Variants in UNKL observed in about 807,000 individuals in gnomAD.
UNKL encodes putative E3 ubiquitin-protein ligase UNKL.
Under a neutral mutation model 78.0 loss-of-function variants are expected in UNKL, and 60 were observed. The observed-to-expected ratio is 0.77, with a 90% CI of 0.63 to 0.95. The LOEUF (loss-of-function observed/expected upper bound fraction) is 0.95. Ranked by LOEUF, UNKL falls within the 40% of genes least tolerant of loss-of-function variation. UNKL has a pLI of 0.00. For synonymous variants in UNKL, 608 were observed against 474.8 expected (o/e 1.28, Z -3.65); for missense variants, 1,159 against 1,045.7 (o/e 1.11, Z -1.49).
chr16:1,385,420 C>A, intron 9 of UNKL, 35 bp from the exon 10 acceptor site: 1 of 1,299,094 alleles, frequency 7.7e-7, no homozygotes, highest in South Asian at 2.2e-5. Context: ...AGCGCGCACC[C>A]CCTGCGTGGA....
chr16:1,375,165 G>T (rs2036123521), intron 10 of UNKL, among the ~76,000 whole-genome samples: 2 of 152,216 alleles, frequency 1.3e-5, no homozygotes, highest in African/African-American at 4.8e-5. Flanking sequence ...TCGTGCCGCG[G>T]TGGTGGCCCC....
At chr16:1,389,625 T>TG (rs141716219) in intron 9 of UNKL, among the ~76,000 whole-genome samples, 2,395 of 152,206 alleles carry the variant, frequency 0.016, 32 homozygotes, top group Non-Finnish European at 0.025. Flanking sequence ...AAATGAGGTG[T>TG]GGGGGCAGGG....
chr16:1,374,114 A>T (rs747447030), intron 10 of UNKL, among the ~76,000 whole-genome samples: 67 of 62,042 alleles, frequency 1.1e-3, no homozygotes, highest in African/African-American at 3.3e-3. Flanking sequence ...ACTGCCGGCC[A>T]ACACCGCACA....
At chr16:1,370,600 G>A (rs1373561727) in intron 11 of UNKL, among the ~76,000 whole-genome samples, 1 of 152,142 alleles carries the variant, frequency 6.6e-6, no homozygotes, top group Non-Finnish European at 1.5e-5. Flanking sequence ...CAGAGGTGGG[G>A]AGACGGGGGT....
At chr16:1,385,682 G>A (rs2036785788) in intron 9 of UNKL, among the ~76,000 whole-genome samples, 1 of 152,236 alleles carries the variant, frequency 6.6e-6, no homozygotes, top group African/African-American at 2.4e-5. Context: ...AAATCAATCT[G>A]GCACGTGCAG....
intron 3 of UNKL, among the ~76,000 whole-genome samples, chr16:1,402,197 A>C (rs1476643068): frequency 1.3e-5 from 2 of 148,722 alleles, no homozygotes; most frequent in Non-Finnish European, 2.9e-5. Context: ...CTCCGGACCC[A>C]GAAGAGAAAC....
chr16:1,383,581 TG>T, intron 10 of UNKL: 1 of 359,584 alleles, frequency 2.8e-6, no homozygotes, highest in Non-Finnish European at 5.7e-6. Context: ...AAGTGGCCGC[TG>T]GGAAGAGTCT....
At chr16:1,390,325 C>T (rs2036994515) in intron 9 of UNKL, among the ~76,000 whole-genome samples, 1 of 152,196 alleles carries the variant, frequency 6.6e-6, no homozygotes, top group Non-Finnish European at 1.5e-5. Flanking sequence ...ATCCTTCCCT[C>T]GCAGCCCAAA....
At chr16:1,394,368 T>C in intron 6 of UNKL, 153 bp from the exon 7 acceptor site, 1 of 878,742 alleles carries the variant, frequency 1.1e-6, no homozygotes, top group Non-Finnish European at 1.8e-6. Flanking sequence ...CCTCCACGTG[T>C]GCCCTTGGTC....
Position 1,370,192 on chromosome 16 carries a change from G to A in UNKL, c.1523C>T (p.Pro508Leu), listed in dbSNP as rs959133927. The A allele has an allele frequency of 8.5e-6, 13 of 1,520,532 alleles. No individual in the cohort carries two copies. The highest frequency in any genetic ancestry group is 5.0e-5 in the East Asian group (2 of 40,398). The allele number at this position is 1,520,532 out of a possible 1,614,324, so 94.2% of individuals were successfully genotyped here. ...GSSAMTPPQQ[P>L]PPLRSEPGTL... ...GCCCGGCTCTGAACGCAGGGGTGGC[G>A]GCTGCTGGGGAGGCGTCATGGCTGA... Residue 508 changes from proline to leucine, a missense_variant, in exon 12 of 15, where the codon CCG becomes CTG. Physicochemically the swap from Pro to Leu is moderately conservative, Grantham distance 98 (BLOSUM62 -3). Coordinates refer to ENST00000389221, the MANE Select transcript of UNKL (RefSeq NM_001372107.1).
At position 1,367,036 on chromosome 16, in the gene UNKL, G is replaced by A; in HGVS notation, c.2046+56C>T. On this transcript the variant is annotated intron_variant, in intron 14 of 14. Coordinates refer to ENST00000389221, the MANE Select transcript of UNKL (RefSeq NM_001372107.1). ...CACCAGCCAGGGCCCTCCCCAGACA[G>A]GGACAGCAGCCCTGCAGGCAGGCTG... The A allele has an allele frequency of 2.7e-6, 4 of 1,464,446 alleles. No homozygotes were observed. The South Asian group carries it at 4.1e-5, about 15-fold the overall frequency. The allele number at this position is 1,464,446 out of a possible 1,614,324, so 90.7% of individuals were successfully genotyped here.
At position 1,364,233 on chromosome 16, in the gene UNKL, G is replaced by A. The variant is rs543807739; in HGVS notation, c.*2007C>T. 2.6e-5 allele frequency: 4 copies of A among 152,350 alleles called. No homozygotes were observed. The highest frequency in any genetic ancestry group is 9.6e-5 in the African/African-American group (4 of 41,586). 9.4% of individuals were successfully genotyped at this position (152,350 alleles called of 1,614,324 possible). A position where few individuals can be genotyped will look rare whatever the true frequency, so the allele number is the denominator to read the frequency against. The stretch of plus-strand genomic sequence containing the variant: ...GTTACCTTGGAGTAGTGGACTAGCT[G>A]CAGAATGTCACGGACCCACTTCCTT... On this transcript the variant is annotated 3_prime_UTR_variant, in exon 15 of 15. Transcript: ENST00000389221.
rs576418057 is a variant in UNKL at position 1,404,952 on chromosome 16, G to T, written c.288-1608C>A. ...CTGACATCTGTAATCCCAGCACTTTGGGGGGCAGAGACAGGAGGATTGCTT... is the reference window on the plus strand; with the variant it reads ...CTGACATCTGTAATCCCAGCACTTTTGGGGGCAGAGACAGGAGGATTGCTT... On this transcript the variant is annotated intron_variant, in intron 2 of 14. Coordinates refer to ENST00000389221, the MANE Select transcript of UNKL (RefSeq NM_001372107.1). Among the ~76,000 whole-genome samples the T allele has an allele frequency of 1.1e-4, 16 of 152,228 alleles. No individual in the cohort carries two copies. The East Asian group carries it at 1.9e-3, about 18-fold the overall frequency.
chr16:1,370,999 C>CAA (rs2035776489), intron 11 of UNKL, among the ~76,000 whole-genome samples: 1 of 147,970 alleles, frequency 6.8e-6, no homozygotes, highest in Non-Finnish European at 1.5e-5. Context: ...AGGAGAATGG[C>CAA]GTGAACCCGG....
At position 1,398,985 on chromosome 16, in the gene UNKL, C is replaced by A. The variant is rs1047042000; in HGVS notation, c.734+389G>T. On this transcript the variant is annotated intron_variant, in intron 5 of 14. Transcript: ENST00000389221. ...GCCCAGGTGACGACAGTGCCTGAGC[C>A]CCTGGCAGCTTGGGTGAGGAGACAG... 6.7e-6 allele frequency: 10 copies of A among 1,483,474 alleles called. No individual in the cohort carries two copies. The Admixed American group carries it at 9.0e-5, about 13-fold the overall frequency. The allele number at this position is 1,483,474 out of a possible 1,614,324, so 91.9% of individuals were successfully genotyped here.
intron 4 of UNKL, among the ~76,000 whole-genome samples, chr16:1,401,057 C>T (rs1316737539): frequency 6.6e-6 from 1 of 152,142 alleles, no homozygotes; most frequent in African/African-American, 2.4e-5. Flanking sequence ...GCCAGGAATG[C>T]AGGTCCCCCA....
At position 1,367,710 on chromosome 16, in the gene UNKL, G is replaced by T. The variant is rs142115515; in HGVS notation, c.1734C>A (p.Asp578Glu). ...ACTGCCGGATCTTCCTCTTGGCCTC[G>T]TCCAGCTGCCGCCTGACCCGGGCCA... ...AELARVRRQL[D>E]EAKRKIRQWE... The change falls in exon 13 of 15, where the codon GAC becomes GAA. Residue 578 changes from aspartate to glutamate, a missense_variant. By Grantham distance (45) the Asp-to-Glu change is conservative. Transcript: ENST00000389221. 1.8e-5 allele frequency: 29 copies of T among 1,581,186 alleles called. No homozygotes were observed. Among genetic ancestry groups the T allele is most frequent in the East Asian group, 2.3e-5 (1 of 43,140 alleles).
rs181139622 is a variant in UNKL at position 1,392,862 on chromosome 16, G to C, written c.1023+29C>G. 4.1e-5 allele frequency: 63 copies of C among 1,547,546 alleles called. No individual in the cohort carries two copies. The South Asian group carries it at 7.3e-4, about 18-fold the overall frequency. On this transcript the variant is annotated intron_variant, in intron 8 of 14. Coordinates refer to ENST00000389221, the MANE Select transcript of UNKL (RefSeq NM_001372107.1). ...GTTCAATTAAACCAAAGGACACTGG[G>C]CATTGTCCTGGGAAGGCCGTTCACT... is the stretch of plus-strand genomic sequence containing the variant.
chr16:1,379,490 C>G (rs953131937), intron 10 of UNKL: 1 of 985,260 alleles, frequency 1.0e-6, no homozygotes, highest in Non-Finnish European at 1.2e-6. Flanking sequence ...CCCGGGCCCA[C>G]CCCGCGGCTG....
Sources: gnomAD v4.1 joint callset for allele counts (sites outside exome capture counted in the v4.1 genomes callset) on GRCh38, gnomAD v4.1.1 for gene constraint, MANE v1.5 for transcripts, NCBI Gene and HGNC (gene_info 2026-07-23, HGNC 2026-07-21) for gene names.